The following TMEM33 variants were observed in gnomAD, a reference collection of about 807,000 sequenced individuals.
TMEM33 encodes transmembrane protein 33.
In TMEM33, 16 loss-of-function variants were observed where a neutral mutation model predicts 29.7. The observed-to-expected ratio is 0.54, with a 90% CI of 0.36 to 0.82. The LOEUF is 0.82. Ranked by LOEUF, TMEM33 falls within the 40% of genes least tolerant of loss-of-function variation. TMEM33 has a pLI of 0.00. For missense variants in TMEM33, 252 were observed against 295.3 expected (o/e 0.85, Z 1.08); for synonymous variants, 112 against 109.4 (o/e 1.02, Z -0.15).
At chr4:41,945,293 C>T (rs769248765) in intron 5 of TMEM33, among the ~76,000 whole-genome samples, 3 of 152,126 alleles carry the variant, frequency 2.0e-5, no homozygotes, top group African/African-American at 4.8e-5. Context: ...TGCCTACTAT[C>T]ACCTTATTTT....
chr4:41,937,719 C>G (rs1445704497), intron 1 of TMEM33, among the ~76,000 whole-genome samples: 1 of 151,742 alleles, frequency 6.6e-6, no homozygotes, highest in Non-Finnish European at 1.5e-5. Flanking sequence ...TTACGAAGAT[C>G]CTAGACAAAA....
intron 6 of TMEM33, 65 bp downstream of exon 6, chr4:41,949,450 C>G: frequency 7.6e-7 from 1 of 1,310,158 alleles, no homozygotes; most frequent in Non-Finnish European, 1.1e-6. Context: ...ATAGTATTCG[C>G]AATTCTTAAG....
rs963285955 is a variant in TMEM33 at position 41,955,079 on chromosome 4, A to G, written c.*880A>G. On this transcript the variant is annotated 3_prime_UTR_variant, in exon 7 of 7. Transcript: ENST00000504986. ...TTGAATTTTCATAGACAATTGCAAC[A>G]GTTTAGATGCCTTTTGAAAGGAATG... 1 of 152,682 alleles carries G rather than the reference A, an allele frequency of 6.5e-6. No homozygotes were observed. Among genetic ancestry groups the G allele is most frequent in the East Asian group, 1.9e-4 (1 of 5,206 alleles). 9.5% of individuals were successfully genotyped at this position (152,682 alleles called of 1,614,324 possible). A position where few individuals can be genotyped will look rare whatever the true frequency, so the allele number is the denominator to read the frequency against.
intron 5 of TMEM33, among the ~76,000 whole-genome samples, chr4:41,945,787 A>G (rs1467147260): frequency 1.3e-5 from 2 of 152,092 alleles, no homozygotes; most frequent in Admixed American, 1.3e-4. Context: ...CCTGACCAAC[A>G]TAGTGAAACC....
chr4:41,936,105 C>G (rs1176684117), intron 1 of TMEM33, among the ~76,000 whole-genome samples: 2 of 152,196 alleles, frequency 1.3e-5, no homozygotes, highest in Admixed American at 6.5e-5. Flanking sequence ...ACTTTTTAAT[C>G]CATAAGTAGT....
At chr4:41,948,799 T>A (rs543977162) in intron 5 of TMEM33, among the ~76,000 whole-genome samples, 171 of 152,246 alleles carry the variant, frequency 1.1e-3, no homozygotes, top group Non-Finnish European at 2.0e-3. Flanking sequence ...AGACCTGGTA[T>A]TTCATAAACA....
chr4:41,950,955 G>T (rs1197465204), intron 6 of TMEM33, among the ~76,000 whole-genome samples: 1 of 152,046 alleles, frequency 6.6e-6, no homozygotes, highest in Non-Finnish European at 1.5e-5. Flanking sequence ...CATCTTCAAA[G>T]CTGTCTTATA....
At chr4:41,949,211 A>G (rs1452402407) in intron 5 of TMEM33, 91 bp from the exon 6 acceptor site, 5 of 757,990 alleles carry the variant, frequency 6.6e-6, no homozygotes, top group Admixed American at 2.8e-5. Context: ...ATGAAGATAC[A>G]CATATTCTCC....
chr4:41,947,313 G>C (rs1712840899), intron 5 of TMEM33, among the ~76,000 whole-genome samples: 1 of 151,426 alleles, frequency 6.6e-6, no homozygotes, highest in African/African-American at 2.4e-5. Flanking sequence ...GAAACCTCCA[G>C]ATTCTGTTTA....
rs1186092290 is a variant in TMEM33, at chr4:41,943,795, A to T, written c.377A>T (p.Tyr126Phe). The change falls in exon 4 of 7, where the codon TAT (tyrosine) becomes TTT (phenylalanine). Residue 126 changes from tyrosine to phenylalanine, a missense_variant. Transcript: ENST00000504986. Reference protein sequence around the residue: ...LLFSLLHAATYTKKVLDARGS... With the variant: ...LLFSLLHAATFTKKVLDARGS... ...TTCTCTTTGCTTCATGCTGCCACAT[A>T]TACGAAAAAGGTCCTTGACGTAAGT... The T allele has an allele frequency of 3.5e-5, 56 of 1,613,926 alleles. No individual in the cohort carries two copies. The highest frequency in any genetic ancestry group is 4.7e-5 in the Non-Finnish European group (56 of 1,179,928).
chr4:41,950,711 T>C (rs1230611362), intron 6 of TMEM33, among the ~76,000 whole-genome samples: 1 of 152,186 alleles, frequency 6.6e-6, no homozygotes, highest in East Asian at 1.9e-4. Context: ...GTTTTAGCCT[T>C]TTTTCTTTCT....
chr4:41,950,970 C>G (rs1205553400), intron 6 of TMEM33, among the ~76,000 whole-genome samples: 1 of 152,094 alleles, frequency 6.6e-6, no homozygotes. Context: ...CTTATAAGCA[C>G]CCATTTTAAC....
rs749453002 is a variant in TMEM33 at position 41,938,715 on chromosome 4, G to C, written c.140+19G>C. 4.3e-6 allele frequency: 7 copies of C among 1,610,114 alleles called. No homozygotes were observed. The highest frequency in any genetic ancestry group is 4.2e-6 in the Non-Finnish European group (5 of 1,176,744). On this transcript the variant is annotated intron_variant, in intron 2 of 6. Coordinates refer to ENST00000504986, the MANE Select transcript of TMEM33 (RefSeq NM_018126.3). The stretch of plus-strand genomic sequence containing the variant: ...TTCTTGGGTATGTATTATACATATT[G>C]CTGCCTTTGATATTCAATTGTTGAG...
Position 41,941,539 on chromosome 4 carries a change from G to A in TMEM33, c.328+2156G>A, listed in dbSNP as rs922261411. The stretch of plus-strand genomic sequence containing the variant: ...GTAAGTTTTGTTGAGTGAATCCTGA[G>A]GTCTTGCCAAATGAGACTCATGACT... On this transcript the variant is annotated intron_variant, in intron 3 of 6. Transcript: ENST00000504986. Among the ~76,000 whole-genome samples, 9 of 152,298 alleles carry A rather than the reference G, an allele frequency of 5.9e-5. No individual in the cohort carries two copies. The East Asian group carries it at 1.5e-3, about 26-fold the overall frequency.
intron 5 of TMEM33, among the ~76,000 whole-genome samples, chr4:41,948,472 A>T (rs77392336): frequency 0.028 from 4,310 of 152,136 alleles, 97 homozygotes; most frequent in African/African-American, 0.055. Context: ...AATTTTTTTT[A>T]ATGAAAATGA....
intron 5 of TMEM33, 103 bp from the exon 6 acceptor site, chr4:41,949,199 G>A (rs1712926760): frequency 1.5e-6 from 1 of 665,344 alleles, no homozygotes; most frequent in Non-Finnish European, 2.5e-6. Context: ...ACCATTTGAT[G>A]AATGAAGATA....
intron 3 of TMEM33, among the ~76,000 whole-genome samples, chr4:41,943,300 A>C (rs1370352209): frequency 1.3e-5 from 2 of 152,192 alleles, no homozygotes; most frequent in Non-Finnish European, 2.9e-5. Context: ...CGAGGTGGGC[A>C]TATCACCTGT....
At chr4:41,937,652 T>C (rs986942318) in intron 1 of TMEM33, among the ~76,000 whole-genome samples, 3 of 152,138 alleles carry the variant, frequency 2.0e-5, no homozygotes, top group African/African-American at 4.8e-5. Context: ...TACAGTAGGG[T>C]AAATATTTGT....
At chr4:41,935,666 G>A in intron 1 of TMEM33, 137 bp downstream of exon 1, 2 of 898,566 alleles carry the variant, frequency 2.2e-6, no homozygotes, top group Non-Finnish European at 3.4e-6. Flanking sequence ...GGAAGTTGGA[G>A]CGGGGAGAGG....
Sources: gnomAD v4.1 joint callset for allele counts (sites outside exome capture counted in the v4.1 genomes callset) on GRCh38, gnomAD v4.1.1 for gene constraint, MANE v1.5 for transcripts, NCBI Gene and HGNC (gene_info 2026-07-23, HGNC 2026-07-21) for gene names.